TMEM62: variants seen among roughly 807,000 people sequenced by gnomAD.
TMEM62 encodes transmembrane protein 62.
A neutral mutation model predicts 70.4 loss-of-function variants in TMEM62; 41 were observed. That is an observed-to-expected ratio of 0.58 (90% CI 0.45 to 0.76). The LOEUF (loss-of-function observed/expected upper bound fraction) is 0.76, where lower values mean the gene tolerates loss of function less well. TMEM62 is among the 30% of genes least tolerant of loss of function. The pLI is 0.00. For synonymous variants in TMEM62, 268 were observed against 291.0 expected (o/e 0.92, Z 0.80); for missense variants, 688 against 788.5 (o/e 0.87, Z 1.53).
chr15:43,178,958 A>G (rs1360905951), intron 12 of TMEM62, among the ~76,000 whole-genome samples: 2 of 152,248 alleles, frequency 1.3e-5, no homozygotes, highest in African/African-American at 4.8e-5. Flanking sequence ...GAAACCTAAT[A>G]GAAGCTTAAA....
rs567903437 is a variant in TMEM62, at chr15:43,184,180, T to G, written c.1606-80T>G. On this transcript the variant is annotated intron_variant, in intron 13 of 13. Transcript: ENST00000260403. ...GCCAAGACAGATAGCAGCATAGTCT[T>G]AGGATCCACTAATAATGCATTATTA... 4.9e-4 allele frequency: 607 copies of G among 1,248,956 alleles called. 4 individuals are homozygous for G. The highest frequency in any genetic ancestry group is 5.3e-4 in the Non-Finnish European group (472 of 882,350). The allele number at this position is 1,248,956 out of a possible 1,614,324, so 77.4% of individuals were successfully genotyped here.
chr15:43,170,679 C>T (rs963420298), intron 11 of TMEM62, among the ~76,000 whole-genome samples: 1 of 152,122 alleles, frequency 6.6e-6, no homozygotes, highest in Non-Finnish European at 1.5e-5. Context: ...AAAAAACCTT[C>T]CTGAAGTGTG....
intron 10 of TMEM62, among the ~76,000 whole-genome samples, chr15:43,161,677 G>A (rs1251194990): frequency 1.3e-5 from 2 of 151,618 alleles, no homozygotes; most frequent in African/African-American, 4.8e-5. Context: ...TGTTTTTTCT[G>A]GAATCAGAGT....
At chr15:43,180,172 G>A (rs1165225938) in intron 12 of TMEM62, among the ~76,000 whole-genome samples, 1 of 152,084 alleles carries the variant, frequency 6.6e-6, no homozygotes, top group Non-Finnish European at 1.5e-5. Flanking sequence ...GCCCAGGCTG[G>A]AGTACAGTGG....
chr15:43,174,230 G>A (rs1386640716), intron 11 of TMEM62, among the ~76,000 whole-genome samples: 1 of 151,996 alleles, frequency 6.6e-6, no homozygotes, highest in Non-Finnish European at 1.5e-5. Flanking sequence ...CCAAATTTGT[G>A]TATAATAGAC....
At chr15:43,164,451 C>CTTTT (rs943352342) in intron 10 of TMEM62, among the ~76,000 whole-genome samples, 2 of 134,804 alleles carry the variant, frequency 1.5e-5, no homozygotes, top group African/African-American at 5.4e-5. Context: ...TTTTTCTTTT[C>CTTTT]TTTTTTTTTT....
chr15:43,166,084 A>C (rs564380567), intron 10 of TMEM62, among the ~76,000 whole-genome samples: 3 of 152,286 alleles, frequency 2.0e-5, no homozygotes, highest in African/African-American at 7.2e-5. Context: ...GTATTCAAAG[A>C]ATTGAGGGTT....
intron 10 of TMEM62, among the ~76,000 whole-genome samples, chr15:43,164,611 C>T (rs143889390): frequency 4.9e-4 from 74 of 152,140 alleles, no homozygotes; most frequent in East Asian, 3.7e-3. Flanking sequence ...CCTCCTGCCT[C>T]GGCCTCCCAA....
At chr15:43,134,170 T>C in intron 1 of TMEM62, 87 bp from the exon 2 acceptor site, 1 of 1,509,018 alleles carries the variant, frequency 6.6e-7, no homozygotes, top group Non-Finnish European at 9.1e-7. Context: ...TGCCTTTTCC[T>C]TCTGCCCGAG....
chr15:43,177,290 A>C (rs1433130452), intron 11 of TMEM62, among the ~76,000 whole-genome samples: 1 of 152,092 alleles, frequency 6.6e-6, no homozygotes, highest in African/African-American at 2.4e-5. Flanking sequence ...GGAAATCAAA[A>C]CCACAATGAG....
chr15:43,151,193 C>T (rs2037324069), intron 7 of TMEM62, among the ~76,000 whole-genome samples: 2 of 151,744 alleles, frequency 1.3e-5, no homozygotes, highest in South Asian at 2.1e-4. Flanking sequence ...TAAAAATAGC[C>T]AGGTGTGGTG....
chr15:43,159,044 C>G lies in TMEM62; in HGVS notation c.1183-1637C>G, dbSNP rs748692213. On this transcript the variant is annotated intron_variant, in intron 9 of 13. Transcript: ENST00000260403. ...TTCGTTTTCTTACTTTCTGATTTGA[C>G]AAGATATTCCAAGCTTTTCTTATGC... is the stretch of plus-strand genomic sequence containing the variant. Among the ~76,000 whole-genome samples, 27 of 152,250 alleles carry G rather than the reference C, an allele frequency of 1.8e-4. 2 individuals carry two copies. Among genetic ancestry groups the G allele is most frequent in the Non-Finnish European group, 3.8e-4 (26 of 68,004 alleles).
In TMEM62 at chr15:43,146,429, G is replaced by T. The variant is rs930890455; in HGVS notation, c.477-64G>T. 9.4e-6 allele frequency: 14 copies of T among 1,492,764 alleles called. No homozygotes were observed. In the African/African-American group the frequency reaches 1.8e-4, roughly 19 times the overall value. The allele number at this position is 1,492,764 out of a possible 1,614,324, so 92.5% of individuals were successfully genotyped here. On this transcript the variant is annotated intron_variant, in intron 4 of 13. Coordinates refer to ENST00000260403, the MANE Select transcript of TMEM62 (RefSeq NM_024956.4). ...AAGGAAGGTAAAATCTAGCGTATTA[G>T]GGAAGGAATTTTAAAGCATTGTCTT...
chr15:43,169,859 A>G (rs906994178), intron 11 of TMEM62, 182 bp downstream of exon 11: 9 of 537,074 alleles, frequency 1.7e-5, no homozygotes, highest in Non-Finnish European at 2.9e-5. Context: ...GGATTTATAC[A>G]TTTTATGGAG....
rs376021206 is a variant in TMEM62, at chr15:43,184,486, T to C, written c.1832T>C (p.Leu611Ser). ...AFLFSPLRTWLTLLTPVLIRY... is the reference protein window; with the variant it reads ...AFLFSPLRTWSTLLTPVLIRY... ...TTATTCTCCCCTTTGCGGACCTGGT[T>C]GACACTGCTGACACCTGTTCTCATT... The change falls in exon 14 of 14, where the codon TTG (leucine) becomes TCG (serine). Residue 611 changes from leucine to serine, a missense_variant. Coordinates refer to ENST00000260403, the MANE Select transcript of TMEM62 (RefSeq NM_024956.4). 2.2e-5 allele frequency: 36 copies of C among 1,614,024 alleles called. No individual in the cohort carries two copies. The highest frequency in any genetic ancestry group is 5.9e-6 in the Non-Finnish European group (7 of 1,180,058).
chr15:43,151,993 G>A, intron 8 of TMEM62, 48 bp downstream of exon 8: 1 of 1,472,352 alleles, frequency 6.8e-7, no homozygotes, highest in Non-Finnish European at 9.3e-7. Context: ...TAATGAAGGA[G>A]AATAAGTCAT....
chr15:43,147,469 AAAG>A (rs1443318556), intron 5 of TMEM62, among the ~76,000 whole-genome samples: 1 of 152,236 alleles, frequency 6.6e-6, no homozygotes, highest in African/African-American at 2.4e-5. Context: ...TGCTCATATG[AAAG>A]AATACAAAAG....
intron 12 of TMEM62, among the ~76,000 whole-genome samples, chr15:43,179,314 G>C (rs1305000812): frequency 6.6e-6 from 1 of 152,088 alleles, no homozygotes; most frequent in Non-Finnish European, 1.5e-5. Context: ...CTAATGTGTG[G>C]CTCTCAAAAA....
intron 4 of TMEM62, among the ~76,000 whole-genome samples, chr15:43,138,887 T>A (rs1200396479): frequency 6.6e-6 from 1 of 152,252 alleles, no homozygotes; most frequent in African/African-American, 2.4e-5. Flanking sequence ...TCTAGTAATT[T>A]AAAAAATGAG....
Sources: gnomAD v4.1 joint callset for allele counts (sites outside exome capture counted in the v4.1 genomes callset) on GRCh38, gnomAD v4.1.1 for gene constraint, MANE v1.5 for transcripts, NCBI Gene and HGNC (gene_info 2026-07-23, HGNC 2026-07-21) for gene names.